Variants in RABGAP1 observed in about 807,000 individuals in gnomAD.
The protein encoded by RABGAP1 is RAB GTPase activating protein 1, also known as rab GTPase-activating protein 1.
RABGAP1 carries 23 observed loss-of-function variants against 137.6 expected under a neutral mutation model. The observed-to-expected ratio is 0.17, with a 90% CI of 0.12 to 0.24. RABGAP1 has a LOEUF of 0.24. Among genes scored for constraint, RABGAP1 ranks in the 10% least tolerant of loss-of-function variants. The pLI is 1.00. For synonymous variants in RABGAP1, 451 were observed against 450.7 expected (o/e 1.00, Z -0.01); for missense variants, 906 against 1,275.8 (o/e 0.71, Z 4.42).
At position 122,957,131 on chromosome 9, in the gene RABGAP1, T is replaced by G. The variant is rs1461847325; in HGVS notation, c.72T>G (p.Asp24Glu). ...SDSVSTLNSE[D>E]FVLVSRQGDE... ...CAGTATCTACTCTTAATAGTGAAGATTTTGTCTTGGTTTCCAGGCAAGGAG... is the reference window on the plus strand; with the variant it reads ...CAGTATCTACTCTTAATAGTGAAGAGTTTGTCTTGGTTTCCAGGCAAGGAG... The change falls in exon 2 of 26, where the codon GAT becomes GAG. Residue 24 changes from aspartate to glutamate, a missense_variant. By Grantham distance (45) the Asp-to-Glu change is conservative. Transcript: ENST00000373647. 1 of 1,572,928 alleles carries G rather than the reference T, an allele frequency of 6.4e-7. No individual in the cohort carries two copies. Among genetic ancestry groups the G allele is most frequent in the Admixed American group, 1.7e-5 (1 of 59,760 alleles).
At chr9:122,944,594 T>C (rs1833832009) in intron 1 of RABGAP1, among the ~76,000 whole-genome samples, 1 of 151,134 alleles carries the variant, frequency 6.6e-6, no homozygotes, top group Non-Finnish European at 1.5e-5. Flanking sequence ...CGGCACGATA[T>C]CAGCTCACTG....
At chr9:122,974,557 G>A (rs1180631361) in intron 2 of RABGAP1, among the ~76,000 whole-genome samples, 2 of 151,796 alleles carry the variant, frequency 1.3e-5, no homozygotes, top group African/African-American at 4.8e-5. Flanking sequence ...TTTGGGAGGT[G>A]GAGGCAGGAG....
rs758168931 is a variant in RABGAP1, at chr9:122,984,465, C to T, written c.151-20C>T. On this transcript the variant is annotated intron_variant, in intron 2 of 25. Transcript: ENST00000373647. ...CCAATCTTTGTCACTTTGCTGATTG[C>T]ATGTATTTGTGACCCTTAGATTGTA... is the stretch of plus-strand genomic sequence containing the variant. The T allele has an allele frequency of 4.4e-6, 7 of 1,599,582 alleles. No individual in the cohort carries two copies. Among genetic ancestry groups the T allele is most frequent in the Non-Finnish European group, 1.7e-6 (2 of 1,169,488 alleles).
intron 10 of RABGAP1, among the ~76,000 whole-genome samples, chr9:123,002,249 T>C (rs1837358688): frequency 6.7e-6 from 1 of 150,008 alleles, no homozygotes; most frequent in African/African-American, 2.5e-5. Flanking sequence ...TGCATTGAGC[T>C]AAGATCACAC....
At chr9:122,937,297 C>G (rs141863977), upstream of RABGAP1, among the ~76,000 whole-genome samples, 7 of 152,276 alleles carry the variant, frequency 4.6e-5, no homozygotes, top group Non-Finnish European at 1.0e-4. Flanking sequence ...ATTTTGAAGT[C>G]GTTCGAAGAA....
intron 13 of RABGAP1, chr9:123,034,596 C>T (rs768723729): frequency 4.3e-6 from 7 of 1,610,012 alleles, no homozygotes; most frequent in South Asian, 1.1e-5. Context: ...GTAATCAGAG[C>T]AGCCACCCTT....
chr9:122,942,669 CAAAAAAAAA>C (rs10660327), intron 1 of RABGAP1, among the ~76,000 whole-genome samples: 1 of 90,342 alleles, frequency 1.1e-5, no homozygotes, highest in Non-Finnish European at 2.1e-5. Context: ...GACTCCGTCT[CAAAAAAAAA>C]AAAAAAAAAA....
At chr9:122,943,115 G>A (rs143123583) in intron 1 of RABGAP1, among the ~76,000 whole-genome samples, 1,725 of 127,252 alleles carry the variant, frequency 0.014, 24 homozygotes, top group Non-Finnish European at 0.019. Context: ...ACTGAGTTGT[G>A]CTCTTGTTGC....
chr9:122,981,985 G>T (rs1044481274), intron 2 of RABGAP1, among the ~76,000 whole-genome samples: 9 of 151,456 alleles, frequency 5.9e-5, no homozygotes, highest in Non-Finnish European at 1.2e-4. Flanking sequence ...GGAGGCAGAG[G>T]TTGCAGTAAG....
chr9:122,966,388 G>T (rs1835143860), intron 2 of RABGAP1, among the ~76,000 whole-genome samples: 1 of 152,032 alleles, frequency 6.6e-6, no homozygotes, highest in African/African-American at 2.4e-5. Flanking sequence ...GCCGGTCATG[G>T]TGGTACAGCC....
chr9:122,958,351 G>A (rs564157331), intron 2 of RABGAP1, among the ~76,000 whole-genome samples: 42 of 152,008 alleles, frequency 2.8e-4, no homozygotes, highest in African/African-American at 9.9e-4. Flanking sequence ...AATTCTAATG[G>A]GGGAAATAGA....
intron 2 of RABGAP1, among the ~76,000 whole-genome samples, chr9:122,972,579 G>A (rs570000280): frequency 1.3e-5 from 2 of 152,206 alleles, no homozygotes; most frequent in Non-Finnish European, 2.9e-5. Flanking sequence ...CAAGTCACAA[G>A]TCCAGTTCTT....
intron 2 of RABGAP1, among the ~76,000 whole-genome samples, chr9:122,969,522 C>T (rs558709992): frequency 1.3e-5 from 2 of 152,226 alleles, no homozygotes; most frequent in African/African-American, 4.8e-5. Context: ...ATTGTTAAAT[C>T]TTTAAGGTCT....
chr9:123,055,262 G>T (rs545210514), intron 13 of RABGAP1, among the ~76,000 whole-genome samples: 2 of 152,296 alleles, frequency 1.3e-5, no homozygotes, highest in South Asian at 4.1e-4. Flanking sequence ...CACGATCACA[G>T]CTCACTGCAG....
rs191817668 is a variant in RABGAP1, at chr9:123,005,729, T to C, written c.1375-4625T>C. 3.0e-3 allele frequency among the ~76,000 whole-genome samples: 455 copies of C among 152,372 alleles called. 1 individual carries two copies. Among genetic ancestry groups the C allele is most frequent in the Non-Finnish European group, 4.7e-3 (322 of 68,032 alleles). On this transcript the variant is annotated intron_variant, in intron 10 of 25. Coordinates refer to ENST00000373647, the MANE Select transcript of RABGAP1 (RefSeq NM_012197.4). ...AATAATGTTGCAGTGTGGAATCTTA[T>C]GTATGTGTTATTTTGATTTTATGAA...
At chr9:123,067,049 A>G (rs1025110709) in intron 14 of RABGAP1, among the ~76,000 whole-genome samples, 4 of 152,218 alleles carry the variant, frequency 2.6e-5, no homozygotes, top group Non-Finnish European at 5.9e-5. Flanking sequence ...AAGTTTATCC[A>G]TCTTTACCAA....
At chr9:122,957,557 G>C (rs955993645) in intron 2 of RABGAP1, among the ~76,000 whole-genome samples, 3 of 151,762 alleles carry the variant, frequency 2.0e-5, no homozygotes, top group Admixed American at 6.6e-5. Context: ...GGTCAAAGAT[G>C]CTATTTATGA....
At chr9:122,957,665 ATTG>A (rs1037345369) in intron 2 of RABGAP1, among the ~76,000 whole-genome samples, 1 of 151,762 alleles carries the variant, frequency 6.6e-6, no homozygotes, top group Non-Finnish European at 1.5e-5. Context: ...ATGCCCTATT[ATTG>A]TTCTACTCTT....
intron 13 of RABGAP1, among the ~76,000 whole-genome samples, chr9:123,046,265 C>G (rs1239536802): frequency 2.0e-5 from 3 of 152,130 alleles, no homozygotes; most frequent in African/African-American, 7.2e-5. Context: ...TTAAATACTT[C>G]AGGAGGTGGA....
Sources: allele counts gnomAD v4.1 joint callset (sites outside exome capture counted in the v4.1 genomes callset), GRCh38; gene constraint gnomAD v4.1.1; transcripts MANE v1.5; gene names NCBI Gene and HGNC (gene_info 2026-07-23, HGNC 2026-07-21).